Variants in GUCY1A2 observed in about 807,000 individuals in gnomAD.
GUCY1A2 encodes the protein guanylate cyclase soluble subunit alpha-2.
In GUCY1A2, 27 loss-of-function variants were observed where a neutral mutation model predicts 63.5. The ratio of observed to expected loss-of-function variants is 0.43; its 90% CI spans 0.31 to 0.59. The LOEUF is 0.59. Among genes scored for constraint, GUCY1A2 ranks in the 20% least tolerant of loss-of-function variants. GUCY1A2 has a pLI of 0.11. For synonymous variants in GUCY1A2, 364 were observed against 343.5 expected (o/e 1.06, Z -0.66); for missense variants, 768 against 913.3 (o/e 0.84, Z 2.05).
chr11:106,720,234 A>C (rs941565011), intron 6 of GUCY1A2, among the ~76,000 whole-genome samples: 1 of 152,330 alleles, frequency 6.6e-6, no homozygotes, highest in East Asian at 1.9e-4. Flanking sequence ...GTGGCAACCC[A>C]GGCTCATTTA....
At chr11:106,972,128 C>G (rs1183959860) in intron 3 of GUCY1A2, among the ~76,000 whole-genome samples, 1 of 152,024 alleles carries the variant, frequency 6.6e-6, no homozygotes, top group African/African-American at 2.4e-5. Context: ...GGAGATAAGT[C>G]AACTAAATGT....
rs185076844 is a variant in GUCY1A2 at position 106,950,811 on chromosome 11, G to A, written c.488-10633C>T. On this transcript the variant is annotated intron_variant, in intron 3 of 7. Transcript: ENST00000526355. ...AAAAAATGGGATACATGTGCAGAAC[G>A]TGCAGGTTTGTTACATAGGTATGCG... is the stretch of plus-strand genomic sequence containing the variant. 2.8e-3 allele frequency among the ~76,000 whole-genome samples: 421 copies of A among 152,256 alleles called. 9 individuals carry two copies. Among genetic ancestry groups the A allele is most frequent in the Non-Finnish European group, 1.7e-3 (115 of 68,024 alleles).
intron 4 of GUCY1A2, among the ~76,000 whole-genome samples, chr11:106,903,366 C>A (rs1860160850): frequency 6.6e-6 from 1 of 152,134 alleles, no homozygotes; most frequent in African/African-American, 2.4e-5. Context: ...ACTGAACTAT[C>A]TCTAGAGAAA....
In GUCY1A2 at chr11:106,811,523, T is replaced by C. The variant is rs118135053; in HGVS notation, c.1207-1045A>G. Among the ~76,000 whole-genome samples, 60 of 152,264 alleles carry C rather than the reference T, an allele frequency of 3.9e-4. 1 individual carries two copies. The East Asian group carries it at 0.01, about 26-fold the overall frequency. On this transcript the variant is annotated intron_variant, in intron 4 of 7. Transcript: ENST00000526355. Reference sequence around the variant, plus strand: ...AATGTGCTCAATACATGTATTTTCCTGTTTTCTTTATAGCTAAATAGTTAA... The same window carrying C: ...AATGTGCTCAATACATGTATTTTCCCGTTTTCTTTATAGCTAAATAGTTAA...
chr11:106,753,764 A>G (rs1297276834), intron 6 of GUCY1A2, among the ~76,000 whole-genome samples: 4 of 152,106 alleles, frequency 2.6e-5, no homozygotes, highest in African/African-American at 9.7e-5. Context: ...GTAGCCTTGT[A>G]GTATAGTTTG....
At chr11:106,795,021 T>C (rs1565160) in intron 5 of GUCY1A2, among the ~76,000 whole-genome samples, 3 of 151,950 alleles carry the variant, frequency 2.0e-5, no homozygotes, top group Admixed American at 1.3e-4. Flanking sequence ...TATTTTGAAT[T>C]ATGAATAGAC....
chr11:106,760,473 A>G (rs1004116496), intron 6 of GUCY1A2, among the ~76,000 whole-genome samples: 1 of 152,176 alleles, frequency 6.6e-6, no homozygotes, highest in Non-Finnish European at 1.5e-5. Context: ...GTGAGCATAT[A>G]TTTTTTATAA....
chr11:106,962,554 C>CAA (rs5794510), intron 3 of GUCY1A2, among the ~76,000 whole-genome samples: 1,709 of 117,654 alleles, frequency 0.015, 23 homozygotes, highest in Non-Finnish European at 0.019. Flanking sequence ...GACTCCATCT[C>CAA]AAAAAAAAAA....
intron 4 of GUCY1A2, among the ~76,000 whole-genome samples, chr11:106,841,336 A>G (rs925692165): frequency 1.3e-5 from 2 of 151,704 alleles, no homozygotes; most frequent in Non-Finnish European, 2.9e-5. Flanking sequence ...TTCCTAAACA[A>G]CTCCGTATTT....
chr11:106,963,807 G>A (rs542031174), intron 3 of GUCY1A2, among the ~76,000 whole-genome samples: 2 of 152,172 alleles, frequency 1.3e-5, no homozygotes, highest in South Asian at 4.1e-4. Flanking sequence ...ATGTCCGTTT[G>A]TTTTTAATTG....
chr11:106,780,875 C>T (rs1864447323), intron 5 of GUCY1A2, among the ~76,000 whole-genome samples: 2 of 152,004 alleles, frequency 1.3e-5, no homozygotes, highest in African/African-American at 4.8e-5. Context: ...AGTCTTAATG[C>T]AGCTTTCCAG....
intron 4 of GUCY1A2, among the ~76,000 whole-genome samples, chr11:106,823,252 C>T (rs1858926323): frequency 6.6e-6 from 1 of 152,070 alleles, no homozygotes; most frequent in Non-Finnish European, 1.5e-5. Context: ...TCCTGCCTTC[C>T]CTGCTTTTGG....
In GUCY1A2 at chr11:106,680,045, G is replaced by A; in HGVS notation, c.*7504C>T. 1 of 215,570 alleles carries A rather than the reference G, an allele frequency of 4.6e-6. No individual in the cohort carries two copies. The highest frequency in any genetic ancestry group is 9.4e-6 in the Non-Finnish European group (1 of 106,830). 13.4% of individuals were successfully genotyped at this position (215,570 alleles called of 1,614,324 possible). A position where few individuals can be genotyped will look rare whatever the true frequency, so the allele number is the denominator to read the frequency against. Reference sequence around the variant, plus strand: ...GGCTTCCATTAAACCAGAGGTGTTTGTTACGGAAATTGCCTCTCCTTTAAG... The same window carrying A: ...GGCTTCCATTAAACCAGAGGTGTTTATTACGGAAATTGCCTCTCCTTTAAG... On this transcript the variant is annotated 3_prime_UTR_variant, in exon 8 of 8. Transcript: ENST00000526355.
chr11:106,961,933 T>C (rs1352121042), intron 3 of GUCY1A2, among the ~76,000 whole-genome samples: 1 of 152,206 alleles, frequency 6.6e-6, no homozygotes, highest in African/African-American at 2.4e-5. Context: ...AACTGGACTA[T>C]AGACTTCAAT....
chr11:106,855,905 ATTTATTTATTTAT>A (rs1270192966), intron 4 of GUCY1A2, among the ~76,000 whole-genome samples: 29 of 88,666 alleles, frequency 3.3e-4, no homozygotes, highest in Non-Finnish European at 5.1e-4. Context: ...TTATTTATTT[ATTTATTTATTTAT>A]TTATTTATTT....
chr11:106,873,035 C>CTG (rs1859701837), intron 4 of GUCY1A2, among the ~76,000 whole-genome samples: 1 of 152,072 alleles, frequency 6.6e-6, no homozygotes, highest in Admixed American at 6.6e-5. Context: ...TTTTCTGATC[C>CTG]TGTGTTAGTT....
intron 6 of GUCY1A2, among the ~76,000 whole-genome samples, chr11:106,752,726 A>G (rs11826852): frequency 6.6e-6 from 1 of 152,106 alleles, no homozygotes; most frequent in Non-Finnish European, 1.5e-5. Context: ...TCCTTGGTGC[A>G]TATGTGCCAC....
chr11:106,795,249 A>C (rs531591654), intron 5 of GUCY1A2, among the ~76,000 whole-genome samples: 1 of 152,256 alleles, frequency 6.6e-6, no homozygotes, highest in South Asian at 2.1e-4. Flanking sequence ...GCACTGTCAT[A>C]GGCAACTACA....
chr11:106,775,441 T>C (rs1304787683), intron 6 of GUCY1A2, among the ~76,000 whole-genome samples: 1 of 150,436 alleles, frequency 6.6e-6, no homozygotes, highest in Non-Finnish European at 1.5e-5. Context: ...CTATCATTGC[T>C]AATAACAGGG....
Sources: allele counts gnomAD v4.1 joint callset (sites outside exome capture counted in the v4.1 genomes callset), GRCh38; gene constraint gnomAD v4.1.1; transcripts MANE v1.5; gene names NCBI Gene and HGNC (gene_info 2026-07-23, HGNC 2026-07-21).